Variants in STPG2 observed in about 807,000 individuals in gnomAD.
The protein encoded by STPG2 is sperm-tail PG-rich repeat-containing protein 2.
In STPG2, 56 loss-of-function variants were observed where a neutral mutation model predicts 54.2. The observed-to-expected ratio is 1.03, with a 90% CI of 0.83 to 1.29. STPG2 has a LOEUF of 1.29. STPG2 is among the 50% of genes most tolerant of loss of function. The pLI, the probability that STPG2 is intolerant of heterozygous loss-of-function variation, is 0.00. For missense variants in STPG2, 596 were observed against 544.9 expected, an observed-to-expected ratio of 1.09 and a Z score of -0.93; for synonymous variants, 200 against 181.8, an observed-to-expected ratio of 1.10 and a Z score of -0.81.
chr4:97,768,075 G>A (rs1311221734), intron 9 of STPG2, among the ~76,000 whole-genome samples: 2 of 151,898 alleles, frequency 1.3e-5, no homozygotes, highest in Admixed American at 6.6e-5. Context: ...GCTGAGGCAG[G>A]AGAATGTCGT....
intron 10 of STPG2, among the ~76,000 whole-genome samples, chr4:97,604,145 C>T (rs969998014): frequency 6.6e-6 from 1 of 151,564 alleles, no homozygotes; most frequent in Non-Finnish European, 1.5e-5. Flanking sequence ...CTCAGTTTTA[C>T]TCTAGGGCAG....
chr4:97,645,068 C>T (rs534212137), intron 10 of STPG2, among the ~76,000 whole-genome samples: 1 of 151,942 alleles, frequency 6.6e-6, no homozygotes. Flanking sequence ...TATGAAATTT[C>T]TCTGATAACT....
chr4:97,674,941 T>C (rs1722796360), intron 10 of STPG2, among the ~76,000 whole-genome samples: 1 of 152,170 alleles, frequency 6.6e-6, no homozygotes, highest in Admixed American at 6.5e-5. Flanking sequence ...TTACCTAAGG[T>C]AAAGCCATGC....
intron 10 of STPG2, among the ~76,000 whole-genome samples, chr4:97,644,586 C>G (rs988446460): frequency 1.3e-5 from 2 of 151,986 alleles, no homozygotes; most frequent in African/African-American, 4.8e-5. Flanking sequence ...GGCAAGCAAA[C>G]ATCGCATGGC....
At chr4:97,628,300 T>A (rs891298877) in intron 10 of STPG2, among the ~76,000 whole-genome samples, 1 of 152,148 alleles carries the variant, frequency 6.6e-6, no homozygotes, top group Non-Finnish European at 1.5e-5. Flanking sequence ...TAAAGGTGGA[T>A]AATAAATTGA....
At chr4:97,951,441 G>T (rs1273951147) in intron 7 of STPG2, among the ~76,000 whole-genome samples, 2 of 151,946 alleles carry the variant, frequency 1.3e-5, no homozygotes, top group East Asian at 1.9e-4. Context: ...TCTCATTTGG[G>T]TATACTATTT....
intron 10 of STPG2, among the ~76,000 whole-genome samples, chr4:97,620,573 T>C (rs1316056404): frequency 6.6e-6 from 1 of 152,108 alleles, no homozygotes; most frequent in Admixed American, 6.5e-5. Context: ...GGTAAAGAGT[T>C]CAATTCAATA....
chr4:97,888,205 G>T (rs1463769695), intron 8 of STPG2, among the ~76,000 whole-genome samples: 1 of 152,178 alleles, frequency 6.6e-6, no homozygotes, highest in Non-Finnish European at 1.5e-5. Flanking sequence ...TTCCACTGGG[G>T]CACTGCTTAG....
At chr4:97,813,726 T>TA (rs1352041598) in intron 9 of STPG2, among the ~76,000 whole-genome samples, 8 of 83,514 alleles carry the variant, frequency 9.6e-5, no homozygotes, top group African/African-American at 3.3e-4. Flanking sequence ...GTTTTATAAA[T>TA]AAAAAATGTA....
In STPG2 at chr4:97,981,297, T is replaced by C. The variant is rs370456331; in HGVS notation, c.634A>G (p.Ile212Val). The C allele has an allele frequency of 6.2e-6, 10 of 1,613,874 alleles. No individual in the cohort carries two copies. Among genetic ancestry groups the C allele is most frequent in the African/African-American group, 4.0e-5 (3 of 74,928 alleles). The change falls in exon 6 of 11, where the codon ATC becomes GTC. Residue 212 changes from isoleucine to valine, a missense_variant. By Grantham distance (29) the Ile-to-Val change is conservative. Coordinates refer to ENST00000295268, the MANE Select transcript of STPG2 (RefSeq NM_174952.3). ...TTATATGTGCCAGGAGCCGGGGTGA[T>C]TGATTTCATAGGTAAAAATCTCTAG... ...KKKRFLPMKSITPAPGTYNEP... is the reference protein window; with the variant it reads ...KKKRFLPMKSVTPAPGTYNEP...
At chr4:98,106,109 C>A in intron 4 of STPG2, 45 bp from the exon 5 acceptor site, 2 of 1,229,336 alleles carry the variant, frequency 1.6e-6, no homozygotes, top group South Asian at 1.6e-5. Context: ...AATTTTAAAC[C>A]TATAAATATT....
chr4:97,497,928 A>G (rs1730645174), intron 4 of STPG2, among the ~76,000 whole-genome samples: 1 of 151,820 alleles, frequency 6.6e-6, no homozygotes, highest in Admixed American at 6.6e-5. Flanking sequence ...ATAACTTACT[A>G]AGGCTGAGGC....
chr4:98,025,957 G>T, intron 5 of STPG2: 1 of 1,306,714 alleles, frequency 7.7e-7, no homozygotes, highest in Non-Finnish European at 1.1e-6. Context: ...AGGAATTTAT[G>T]TAGAACTACA....
chr4:97,569,779 T>A (rs1370871514), intron 10 of STPG2, among the ~76,000 whole-genome samples: 1 of 152,094 alleles, frequency 6.6e-6, no homozygotes, highest in Non-Finnish European at 1.5e-5. Context: ...AAGGAAAAGT[T>A]AATGAGGAAC....
chr4:97,636,328 A>G (rs1205196400), intron 10 of STPG2, among the ~76,000 whole-genome samples: 1 of 144,888 alleles, frequency 6.9e-6, no homozygotes, highest in Non-Finnish European at 1.5e-5. Context: ...AATCTCTGGG[A>G]CACATTCAAA....
chr4:97,735,023 A>C (rs1724929596), intron 9 of STPG2, among the ~76,000 whole-genome samples: 1 of 151,292 alleles, frequency 6.6e-6, no homozygotes, highest in East Asian at 1.9e-4. Flanking sequence ...CAGTGAGTTG[A>C]GATGGCGTCA....
At chr4:97,727,853 A>G (rs771281441) in intron 9 of STPG2, among the ~76,000 whole-genome samples, 14 of 151,876 alleles carry the variant, frequency 9.2e-5, no homozygotes, top group African/African-American at 3.4e-4. Context: ...AATTTTAGCT[A>G]TGATTCCAGT....
intron 3 of STPG2, among the ~76,000 whole-genome samples, chr4:98,114,947 TAAA>T (rs1739474077): frequency 1.8e-5 from 1 of 56,136 alleles, no homozygotes; most frequent in African/African-American, 8.1e-5. Context: ...CTCTTATCTC[TAAA>T]TTACAGTTTC....
intron 4 of STPG2, among the ~76,000 whole-genome samples, chr4:97,545,705 T>G (rs116068197): frequency 0.021 from 3,241 of 152,198 alleles, 41 homozygotes; most frequent in Middle Eastern, 0.054. Context: ...TTTAATTTTC[T>G]TGAGATTAGG....
Sources: allele counts gnomAD v4.1 joint callset (sites outside exome capture counted in the v4.1 genomes callset), GRCh38; gene constraint gnomAD v4.1.1; transcripts MANE v1.5; gene names NCBI Gene and HGNC (gene_info 2026-07-23, HGNC 2026-07-21).